PHIP: variants seen among roughly 807,000 people sequenced by gnomAD.
PHIP encodes the protein PH-interacting protein.
A neutral mutation model predicts 236.8 loss-of-function variants in PHIP; 54 were observed. The observed-to-expected ratio is 0.23, with a 90% CI of 0.18 to 0.29. The LOEUF (loss-of-function observed/expected upper bound fraction) is 0.29, where lower values mean the gene tolerates loss of function less well. Among genes scored for constraint, PHIP ranks in the 10% least tolerant of loss-of-function variants. The pLI is 1.00. For synonymous variants in PHIP, 756 were observed against 718.9 expected, an observed-to-expected ratio of 1.05 and a Z score of -0.83; for missense variants, 1,370 against 2,190.8, an observed-to-expected ratio of 0.63 and a Z score of 7.48.
chr6:79,043,097 T>A, intron 6 of PHIP, 94 bp from the exon 7 acceptor site: 3 of 1,001,276 alleles, frequency 3.0e-6, no homozygotes, highest in Non-Finnish European at 4.5e-6. Context: ...ATTTGTCATG[T>A]GCAGGTAAAA....
intron 6 of PHIP, among the ~76,000 whole-genome samples, chr6:79,057,353 T>C (rs1773126716): frequency 6.6e-6 from 1 of 152,136 alleles, no homozygotes; most frequent in African/African-American, 2.4e-5. Context: ...GTCTGCTGTT[T>C]AGTTAACAGT....
chr6:79,006,375 C>A (rs1205187111), intron 15 of PHIP, among the ~76,000 whole-genome samples: 1 of 151,752 alleles, frequency 6.6e-6, no homozygotes. Flanking sequence ...CTAAAAATAG[C>A]CTAACTGGTT....
At chr6:78,988,418 A>G (rs1769003188) in intron 20 of PHIP, 69 bp from the exon 21 acceptor site, 1 of 1,197,102 alleles carries the variant, frequency 8.4e-7, no homozygotes, top group Non-Finnish European at 1.1e-6. Flanking sequence ...TAAAAGTTAA[A>G]ATTTTTTAAT....
intron 24 of PHIP, among the ~76,000 whole-genome samples, chr6:78,972,668 C>T (rs760412779): frequency 1.3e-5 from 2 of 152,034 alleles, no homozygotes; most frequent in Non-Finnish European, 2.9e-5. Flanking sequence ...ATAATCAATA[C>T]AGAGAAGTGC....
chr6:79,003,844 T>C lies in PHIP; in HGVS notation c.1539A>G (p.Gly513=). 1 of 1,598,738 alleles carries C rather than the reference T, an allele frequency of 6.3e-7. No individual in the cohort carries two copies. Among genetic ancestry groups the C allele is most frequent in the Non-Finnish European group, 8.5e-7 (1 of 1,173,582 alleles). The change falls in exon 16 of 40, where the codon GGA becomes GGG. Residue 513 remains glycine, a synonymous_variant. Coordinates refer to ENST00000275034, the MANE Select transcript of PHIP (RefSeq NM_017934.7). ...ATTTGCAGTCAAATACTGCGCCATG[T>C]CCTTGGCCTTCAATCTGAAATATAT... ...RSYFNMIEGQ[G]HGAVFDCKCS...
Position 78,938,276 on chromosome 6 carries a change from G to C in PHIP, c.*2417C>G, listed in dbSNP as rs1773346019. 1 of 151,754 alleles carries C rather than the reference G, an allele frequency of 6.6e-6. No homozygotes were observed. The highest frequency in any genetic ancestry group is 2.4e-5 in the African/African-American group (1 of 41,510). 9.4% of individuals were successfully genotyped at this position (151,754 alleles called of 1,614,324 possible). A position where few individuals can be genotyped will look rare whatever the true frequency, so the allele number is the denominator to read the frequency against. ...GTCCAAATAAGGTCATAAATATACA[G>C]TGTCTGTAGAACAGGAATAATACAT... is the stretch of plus-strand genomic sequence containing the variant. On this transcript the variant is annotated 3_prime_UTR_variant, in exon 40 of 40. Transcript: ENST00000275034.
rs1773193759 is a variant in PHIP at position 78,934,601 on chromosome 6, A to ATT, written c.*6090_*6091dup. 6.6e-6 allele frequency among the ~76,000 whole-genome samples: 1 copy of ATT among 152,224 alleles called. No individual in the cohort carries two copies. Among genetic ancestry groups the ATT allele is most frequent in the Non-Finnish European group, 1.5e-5 (1 of 68,032 alleles). On this transcript the variant is annotated 3_prime_UTR_variant, in exon 40 of 40. Transcript: ENST00000275034. Reference sequence around the variant, plus strand: ...GACACAGCTTGTCTGGAAGCTACACATTAAATGATGTATTCTATTTAGGGA... The same window carrying ATT: ...GACACAGCTTGTCTGGAAGCTACACATTTTAAATGATGTATTCTATTTAGGGA...
At chr6:79,045,504 T>TA (rs1235947101) in intron 6 of PHIP, among the ~76,000 whole-genome samples, 3 of 152,140 alleles carry the variant, frequency 2.0e-5, no homozygotes, top group Non-Finnish European at 4.4e-5. Flanking sequence ...TTCTCAAACT[T>TA]GAGTATAGAG....
At chr6:79,073,361 T>C (rs1228404687) in intron 4 of PHIP, among the ~76,000 whole-genome samples, 1 of 152,162 alleles carries the variant, frequency 6.6e-6, no homozygotes, top group Non-Finnish European at 1.5e-5. Context: ...CCATATGAGA[T>C]TAAAGCTGTT....
In PHIP at chr6:79,077,472, C is replaced by T; in HGVS notation, c.165G>A (p.Glu55=). 1 of 1,580,136 alleles carries T rather than the reference C, an allele frequency of 6.3e-7. No individual in the cohort carries two copies. The highest frequency in any genetic ancestry group is 8.6e-7 in the Non-Finnish European group (1 of 1,162,580). The change falls in exon 4 of 40, where the codon GAG becomes GAA. Residue 55 remains glutamate, a synonymous_variant. Coordinates refer to ENST00000275034, the MANE Select transcript of PHIP (RefSeq NM_017934.7). ...CCAGATTCTGGTAGGTCCTGGGATG[C>T]TCCTTCCCGGTCCAGTCGGTGCGCC... The part of the protein sequence containing the change: ...LPRRTDWTGK[E]HPRTYQNLVK...
chr6:79,025,413 C>A (rs1480046977), intron 9 of PHIP, 106 bp downstream of exon 9: 1 of 638,404 alleles, frequency 1.6e-6, no homozygotes, highest in South Asian at 2.2e-5. Flanking sequence ...ATTATTTACT[C>A]AAGGAGAAAA....
At chr6:78,975,586 C>G (rs1223535474) in intron 24 of PHIP, among the ~76,000 whole-genome samples, 3 of 152,144 alleles carry the variant, frequency 2.0e-5, no homozygotes, top group Non-Finnish European at 1.5e-5. Context: ...GTCAAATTGT[C>G]CCTGTTTGCA....
intron 15 of PHIP, among the ~76,000 whole-genome samples, chr6:79,012,438 C>T (rs1770632447): frequency 6.6e-6 from 1 of 151,656 alleles, no homozygotes; most frequent in Non-Finnish European, 1.5e-5. Flanking sequence ...CTTCACATAA[C>T]TTTCACCATT....
At chr6:79,036,457 C>T (rs1289745713) in intron 7 of PHIP, among the ~76,000 whole-genome samples, 1 of 152,142 alleles carries the variant, frequency 6.6e-6, no homozygotes, top group Non-Finnish European at 1.5e-5. Flanking sequence ...ACTATTGCTT[C>T]TAAACAACCT....
At chr6:78,989,903 G>T (rs533206831) in intron 20 of PHIP, among the ~76,000 whole-genome samples, 1 of 152,174 alleles carries the variant, frequency 6.6e-6, no homozygotes, top group East Asian at 1.9e-4. Context: ...ATTTCAGAAA[G>T]AAATTTTCCT....
At chr6:79,030,488 T>C (rs1771614920) in intron 7 of PHIP, among the ~76,000 whole-genome samples, 1 of 152,206 alleles carries the variant, frequency 6.6e-6, no homozygotes, top group South Asian at 2.1e-4. Flanking sequence ...AATAAGTGAT[T>C]ATGCTGGAAA....
chr6:79,028,500 AG>A (rs1182446235), intron 7 of PHIP, among the ~76,000 whole-genome samples: 1 of 152,250 alleles, frequency 6.6e-6, no homozygotes, highest in Admixed American at 6.5e-5. Flanking sequence ...TTGGAAGTGA[AG>A]GAAGAGCTGT....
Position 79,003,796 on chromosome 6 carries a change from A to G in PHIP, c.1587T>C (p.Phe529=). 3 of 1,610,790 alleles carry G rather than the reference A, an allele frequency of 1.9e-6. No homozygotes were observed. Residue 529 remains phenylalanine, a synonymous_variant, in exon 16 of 40, where the codon TTT becomes TTC. Transcript: ENST00000275034. ...DCKCSPDGQH[F]ACTDSHGHLL... ...GATGTCCATGAGAGTCTGTGCATGC[A>G]AAATGCTGACCATCAGGAGAGCATT...
intron 33 of PHIP, 30 bp from the exon 34 acceptor site, chr6:78,955,312 A>G (rs750039677): frequency 1.3e-6 from 2 of 1,529,964 alleles, no homozygotes; most frequent in Admixed American, 1.7e-5. Flanking sequence ...CAGATTCATA[A>G]AACATTTTAG....
Sources: allele counts gnomAD v4.1 joint callset (sites outside exome capture counted in the v4.1 genomes callset), GRCh38; gene constraint gnomAD v4.1.1; transcripts MANE v1.5; gene names NCBI Gene and HGNC (gene_info 2026-07-23, HGNC 2026-07-21).